RIMS2: variants seen among roughly 807,000 people sequenced by gnomAD.
The protein encoded by RIMS2 is regulating synaptic membrane exocytosis protein 2.
A neutral mutation model predicts 174.4 loss-of-function variants in RIMS2; 59 were observed. That is an observed-to-expected ratio of 0.34 (90% CI 0.27 to 0.42). The LOEUF (loss-of-function observed/expected upper bound fraction) is 0.42. RIMS2 is among the 10% of genes least tolerant of loss of function. RIMS2 has a pLI of 1.00. For missense variants in RIMS2, 1,620 were observed against 1,666.3 expected, an observed-to-expected ratio of 0.97 and a Z score of 0.48; for synonymous variants, 606 against 572.5, an observed-to-expected ratio of 1.06 and a Z score of -0.84.
chr8:103,753,297 G>A (rs2097918998), intron 2 of RIMS2, among the ~76,000 whole-genome samples: 1 of 152,188 alleles, frequency 6.6e-6, no homozygotes, highest in Non-Finnish European at 1.5e-5. Context: ...ACTTGATCAT[G>A]GTGGATAAGC....
At chr8:104,078,641 A>T (rs904062554) in intron 19 of RIMS2, among the ~76,000 whole-genome samples, 1 of 152,258 alleles carries the variant, frequency 6.6e-6, no homozygotes, top group Non-Finnish European at 1.5e-5. Flanking sequence ...AACACAATTC[A>T]GTCTATAACA....
intron 19 of RIMS2, among the ~76,000 whole-genome samples, chr8:104,148,169 CTTTT>C (rs60928884): frequency 2.0e-4 from 23 of 116,350 alleles, no homozygotes; most frequent in African/African-American, 7.1e-4. Context: ...TATTATCAGC[CTTTT>C]TTTTTTTTTT....
chr8:104,063,807 G>A (rs1455554236), intron 19 of RIMS2, among the ~76,000 whole-genome samples: 1 of 152,124 alleles, frequency 6.6e-6, no homozygotes, highest in African/African-American at 2.4e-5. Flanking sequence ...TGCTAAACCT[G>A]TGCCCCTACT....
chr8:103,618,691 A>G (rs796508995), intron 1 of RIMS2, among the ~76,000 whole-genome samples: 33 of 152,264 alleles, frequency 2.2e-4, no homozygotes, highest in African/African-American at 5.3e-4. Flanking sequence ...GGGCCTCTCA[A>G]TGGTAGTATC....
chr8:103,796,752 A>G (rs2154447830), intron 3 of RIMS2, among the ~76,000 whole-genome samples: 1 of 152,320 alleles, frequency 6.6e-6, no homozygotes, highest in South Asian at 2.1e-4. Flanking sequence ...AATAGACAAA[A>G]CTACTTTTTA....
intron 2 of RIMS2, among the ~76,000 whole-genome samples, chr8:103,719,187 T>C (rs2097414410): frequency 6.6e-6 from 1 of 152,174 alleles, no homozygotes; most frequent in Non-Finnish European, 1.5e-5. Context: ...TTTGTGATGA[T>C]GAAGGAAAGG....
intron 1 of RIMS2, among the ~76,000 whole-genome samples, chr8:103,603,687 A>G (rs1386688867): frequency 1.4e-5 from 2 of 143,078 alleles, no homozygotes; most frequent in Admixed American, 7.0e-5. Context: ...AATGATTGCC[A>G]TTCTAACTGG....
intron 2 of RIMS2, among the ~76,000 whole-genome samples, chr8:103,717,425 G>T (rs2097385532): frequency 6.6e-6 from 1 of 151,830 alleles, no homozygotes; most frequent in Non-Finnish European, 1.5e-5. Context: ...TCTGGGACAG[G>T]TTCCCTAGAG....
At chr8:103,787,530 A>G (rs1357531725) in intron 3 of RIMS2, among the ~76,000 whole-genome samples, 2 of 151,690 alleles carry the variant, frequency 1.3e-5, no homozygotes, top group Non-Finnish European at 2.9e-5. Context: ...TTCGCTTATG[A>G]AGCTTAGTTT....
chr8:103,987,526 T>C lies in RIMS2; in HGVS notation c.2928-1779T>C, dbSNP rs567766303. On this transcript the variant is annotated intron_variant, in intron 16 of 23. Coordinates refer to ENST00000504942, the Ensembl canonical transcript of RIMS2. ...CATAAAGGCTTAATAAAGCAAGCAT[T>C]ATACTTAATGGAAAAACTTTAGAGA... Among the ~76,000 whole-genome samples the C allele has an allele frequency of 6.2e-4, 94 of 152,298 alleles. No individual in the cohort carries two copies. The Middle Eastern group carries it at 0.01, about 17-fold the overall frequency.
chr8:103,679,737 A>G (rs567419092), intron 1 of RIMS2, among the ~76,000 whole-genome samples: 2 of 151,998 alleles, frequency 1.3e-5, no homozygotes, highest in African/African-American at 2.4e-5. Flanking sequence ...CAATAACTTT[A>G]TGAGATAAGA....
intron 19 of RIMS2, among the ~76,000 whole-genome samples, chr8:104,076,509 C>A (rs962657946): frequency 1.3e-5 from 2 of 152,054 alleles, no homozygotes; most frequent in African/African-American, 4.8e-5. Flanking sequence ...ACAATTGGTA[C>A]ACAATATTAT....
intron 2 of RIMS2, among the ~76,000 whole-genome samples, chr8:103,709,747 C>CT (rs1297614235): frequency 6.6e-6 from 1 of 151,964 alleles, no homozygotes; most frequent in African/African-American, 2.4e-5. Context: ...GAGCTGAAGA[C>CT]TTGAAGAAAC....
chr8:103,920,078 A>G (rs2077315765), intron 9 of RIMS2, among the ~76,000 whole-genome samples: 1 of 152,136 alleles, frequency 6.6e-6, no homozygotes, highest in Non-Finnish European at 1.5e-5. Flanking sequence ...ATCTTATTTT[A>G]GCTATTTAAA....
chr8:103,706,656 C>G (rs1022558642), intron 2 of RIMS2, among the ~76,000 whole-genome samples: 3 of 152,102 alleles, frequency 2.0e-5, no homozygotes, highest in Non-Finnish European at 4.4e-5. Context: ...ACGTCTGCAG[C>G]CAGGTGTATT....
chr8:103,530,743 T>C (rs1431984891), intron 1 of RIMS2, among the ~76,000 whole-genome samples: 1 of 151,934 alleles, frequency 6.6e-6, no homozygotes, highest in Non-Finnish European at 1.5e-5. Flanking sequence ...CATAATAATA[T>C]AGGCTAAAAT....
At chr8:103,602,834 T>C (rs1325969705) in intron 1 of RIMS2, among the ~76,000 whole-genome samples, 1 of 152,158 alleles carries the variant, frequency 6.6e-6, no homozygotes, top group Non-Finnish European at 1.5e-5. Flanking sequence ...ATTAATGGGA[T>C]TGCTGGGTCA....
intron 17 of RIMS2, among the ~76,000 whole-genome samples, chr8:103,992,274 A>AATTTTT (rs1565726059): frequency 9.3e-5 from 10 of 107,084 alleles, no homozygotes; most frequent in Non-Finnish European, 1.2e-4. Context: ...ATGTCCAGCT[A>AATTTTT]TTTTTTTTTT....
At chr8:104,101,064 A>G (rs894119057) in intron 19 of RIMS2, among the ~76,000 whole-genome samples, 59 of 143,476 alleles carry the variant, frequency 4.1e-4, no homozygotes, top group South Asian at 1.1e-3. Flanking sequence ...TATGTAATAT[A>G]TGTTATATAT....
Sources: gnomAD v4.1 joint callset for allele counts (sites outside exome capture counted in the v4.1 genomes callset) on GRCh38, gnomAD v4.1.1 for gene constraint, MANE v1.5 for transcripts, NCBI Gene and HGNC (gene_info 2026-07-23, HGNC 2026-07-21) for gene names.